AP2M1: variants seen among roughly 807,000 people sequenced by gnomAD.
AP2M1 encodes AP-2 complex subunit mu.
A neutral mutation model predicts 54.5 loss-of-function variants in AP2M1; 5 were observed. The ratio of observed to expected loss-of-function variants is 0.09; its 90% confidence interval spans 0.05 to 0.19. The LOEUF is 0.19. Among genes scored for constraint, AP2M1 ranks in the 10% least tolerant of loss-of-function variants. AP2M1 has a pLI of 1.00. For synonymous variants in AP2M1, 186 were observed against 208.2 expected, an observed-to-expected ratio of 0.89 and a Z score of 0.92; for missense variants, 178 against 580.2, an observed-to-expected ratio of 0.31 and a Z score of 7.12.
Position 184,181,450 on chromosome 3 carries a change from C to A in AP2M1, c.707+224C>A. ...TTGGTCCCTAGGACCAAGGCCTTTT[C>A]TGTACATACTGACAGCCTCTGCCCA... is the stretch of plus-strand genomic sequence containing the variant. On this transcript the variant is annotated intron_variant, in intron 7 of 11. Transcript: ENST00000292807. The surrounding 1 kb of genome is among the most constrained non-coding windows in gnomAD (Gnocchi z 5.7). 2.5e-6 allele frequency: 2 copies of A among 813,620 alleles called. No homozygotes were observed. The highest frequency in any genetic ancestry group is 3.8e-6 in the Non-Finnish European group (2 of 530,658). The allele number at this position is 813,620 out of a possible 1,614,324, so 50.4% of individuals were successfully genotyped here. A position where few individuals can be genotyped will look rare whatever the true frequency, so the allele number is the denominator to read the frequency against.
At position 184,180,064 on chromosome 3, in the gene AP2M1, T is replaced by A; in HGVS notation, c.341-105T>A. 1 of 990,272 alleles carries A rather than the reference T, an allele frequency of 1.0e-6. No homozygotes were observed. The highest frequency in any genetic ancestry group is 1.6e-6 in the Non-Finnish European group (1 of 642,464). 61.3% of individuals were successfully genotyped at this position (990,272 alleles called of 1,614,324 possible). A position where few individuals can be genotyped will look rare whatever the true frequency, so the allele number is the denominator to read the frequency against. On this transcript the variant is annotated intron_variant, in intron 3 of 11. Coordinates refer to ENST00000292807, the MANE Select transcript of AP2M1 (RefSeq NM_004068.4). The surrounding 1 kb of genome is among the most constrained non-coding windows in gnomAD (Gnocchi z 4.9). ...AGCTAGAAGACTTTCTTGCGGATGA[T>A]CCCACATGGGCTTTGGGAGCTGTGC...
intron 1 of AP2M1, 196 bp downstream of exon 1, chr3:184,175,155 G>A: frequency 2.5e-6 from 1 of 394,906 alleles, no homozygotes; most frequent in African/African-American, 2.1e-5. Flanking sequence ...CTGGCGGGGA[G>A]CGGTGCCCTC....
At chr3:184,177,634 G>A in intron 2 of AP2M1, 3 of 1,533,286 alleles carry the variant, frequency 2.0e-6, no homozygotes, top group Non-Finnish European at 1.7e-6. Context: ...CTGGGTCACT[G>A]TGGGAGGGCA....
rs2231218 is a variant in AP2M1 at position 184,180,057 on chromosome 3, C to T, written c.341-112C>T. ...GCTACAAAGCTAGAAGACTTTCTTGCGGATGATCCCACATGGGCTTTGGGA... is the reference window on the plus strand; with the variant it reads ...GCTACAAAGCTAGAAGACTTTCTTGTGGATGATCCCACATGGGCTTTGGGA... On this transcript the variant is annotated intron_variant, in intron 3 of 11. Coordinates refer to ENST00000292807, the MANE Select transcript of AP2M1 (RefSeq NM_004068.4). The surrounding 1 kb of genome is among the most constrained non-coding windows in gnomAD (Gnocchi z 4.9). 7,240 of 890,796 alleles carry T rather than the reference C, an allele frequency of 8.1e-3. 360 individuals carry two copies. The African/African-American group carries it at 0.11, about 14-fold the overall frequency. 55.2% of individuals were successfully genotyped at this position (890,796 alleles called of 1,614,324 possible).
In AP2M1 at chr3:184,177,041, C is replaced by T. The variant is rs1329096115; in HGVS notation, c.48C>T (p.Ile16=). The T allele has an allele frequency of 4.3e-6, 7 of 1,613,744 alleles. No homozygotes were observed. In the African/African-American group the frequency reaches 8.0e-5, roughly 18 times the overall value. ...ATAATCACAAGGGGGAGGTGCTCAT[C>T]TCCCGAGTCTACCGAGATGACATCG... is the stretch of plus-strand genomic sequence containing the variant. The part of the protein sequence containing the change: ...FIYNHKGEVL[I]SRVYRDDIGR... The change falls in exon 2 of 12, where the codon ATC becomes ATT. Residue 16 remains isoleucine, a synonymous_variant. Coordinates refer to ENST00000292807, the MANE Select transcript of AP2M1 (RefSeq NM_004068.4).
In AP2M1 at chr3:184,181,098, T is replaced by C. The variant is rs1167386017; in HGVS notation, c.579T>C (p.Ser193=). The C allele has an allele frequency of 2.5e-6, 4 of 1,614,052 alleles. No individual in the cohort carries two copies. In the African/African-American group the frequency reaches 4.0e-5, roughly 16 times the overall value. The part of the protein sequence containing the change: ...LLMSPQGQVL[S]AHVSGRVVMK... The stretch of plus-strand genomic sequence containing the variant: ...TTCCATCACCAGGGCAGGTGCTGAG[T>C]GCCCATGTGTCGGGCCGGGTGGTGA... The change falls in exon 7 of 12, where the codon AGT becomes AGC. Residue 193 remains serine, a synonymous_variant. Transcript: ENST00000292807. This position sits in a 1 kb window ranked among gnomAD's most constrained non-coding sequence, Gnocchi z 5.7.
At chr3:184,179,353 A>G in intron 3 of AP2M1, 2 of 555,142 alleles carry the variant, frequency 3.6e-6, no homozygotes, top group Non-Finnish European at 6.3e-6. Flanking sequence ...TGATCTTCCA[A>G]GGGGCTAGGA....
chr3:184,177,036 C>T lies in AP2M1; in HGVS notation c.43C>T (p.Leu15Phe). ...CATCTATAATCACAAGGGGGAGGTG[C>T]TCATCTCCCGAGTCTACCGAGATGA... ...LFIYNHKGEV[L>F]ISRVYRDDIG... The change falls in exon 2 of 12, where the codon CTC (leucine) becomes TTC (phenylalanine). Residue 15 changes from leucine to phenylalanine, a missense_variant. Leu to Phe is a conservative substitution (Grantham distance 22). Coordinates refer to ENST00000292807, the MANE Select transcript of AP2M1 (RefSeq NM_004068.4). 6.2e-7 allele frequency: 1 copy of T among 1,613,904 alleles called. No individual in the cohort carries two copies. Among genetic ancestry groups the T allele is most frequent in the Non-Finnish European group, 8.5e-7 (1 of 1,179,940 alleles).
chr3:184,183,449 A>G lies in AP2M1; in HGVS notation c.1174-33A>G. ...CCAGAGGAGAGCGGCTGTAAGAGGA[A>G]GGCCACATTTCTAACTAGCTCTCCT... is the stretch of plus-strand genomic sequence containing the variant. On this transcript the variant is annotated intron_variant, in intron 11 of 11. Transcript: ENST00000292807. This position sits in a 1 kb window ranked among gnomAD's most constrained non-coding sequence, Gnocchi z 5.7. 2 of 1,613,284 alleles carry G rather than the reference A, an allele frequency of 1.2e-6. No individual in the cohort carries two copies. Among genetic ancestry groups the G allele is most frequent in the Non-Finnish European group, 8.5e-7 (1 of 1,179,664 alleles).
rs1560125142 is a variant in AP2M1 at position 184,176,946 on chromosome 3, C to T, written c.-43-5C>T. The T allele has an allele frequency of 6.2e-7, 1 of 1,600,706 alleles. No homozygotes were observed. Among genetic ancestry groups the T allele is most frequent in the Non-Finnish European group, 8.5e-7 (1 of 1,171,076 alleles). On this transcript the variant is annotated splice_region_variant and splice_polypyrimidine_tract_variant and intron_variant, in intron 1 of 11. Coordinates refer to ENST00000292807, the MANE Select transcript of AP2M1 (RefSeq NM_004068.4). ...CTTCTTTTACCCTGCCCCCGCCTGT[C>T]CTAGGTCTGTTCTCAGAGCGATGGG...
chr3:184,180,128 G>A lies in AP2M1; in HGVS notation c.341-41G>A. On this transcript the variant is annotated intron_variant, in intron 3 of 11. Transcript: ENST00000292807. The surrounding 1 kb of genome is among the most constrained non-coding windows in gnomAD (Gnocchi z 4.9). ...AGGCCCAAGTAGGGGCTGGAATGAA[G>A]AAGCTCTGTCCAGGGGCTGATGGTT... 2 of 1,601,464 alleles carry A rather than the reference G, an allele frequency of 1.2e-6. No homozygotes were observed. Among genetic ancestry groups the A allele is most frequent in the Non-Finnish European group, 1.7e-6 (2 of 1,169,012 alleles).
Position 184,181,383 on chromosome 3 carries a change from C to T in AP2M1, c.707+157C>T, listed in dbSNP as rs1197822881. 2.1e-5 allele frequency: 24 copies of T among 1,168,204 alleles called. No homozygotes were observed. The highest frequency in any genetic ancestry group is 6.2e-5 in the African/African-American group (4 of 64,750). 72.4% of individuals were successfully genotyped at this position (1,168,204 alleles called of 1,614,324 possible). ...CTGTTCGCTCTTGACATTAGTGCTA[C>T]GAGAGATGAGGGGATCGTCCTCAGA... On this transcript the variant is annotated intron_variant, in intron 7 of 11. Coordinates refer to ENST00000292807, the MANE Select transcript of AP2M1 (RefSeq NM_004068.4). The surrounding 1 kb of genome is among the most constrained non-coding windows in gnomAD (Gnocchi z 5.7).
At position 184,181,942 on chromosome 3, in the gene AP2M1, C is replaced by T. The variant is rs867287194; in HGVS notation, c.858C>T (p.Pro286=). 1.2e-6 allele frequency: 2 copies of T among 1,614,188 alleles called. No individual in the cohort carries two copies. The highest frequency in any genetic ancestry group is 8.5e-7 in the Non-Finnish European group (1 of 1,180,024). The change falls in exon 9 of 12, where the codon CCC becomes CCT. Residue 286 remains proline (P), a synonymous_variant. Transcript: ENST00000292807. This position sits in a 1 kb window ranked among gnomAD's most constrained non-coding sequence, Gnocchi z 5.7. ...RYRTTKDIIL[P]FRVIPLVREV... ...GCACAACCAAGGACATCATCCTTCC[C>T]TTCCGGGTGATCCCGCTAGTGCGAG...
At position 184,181,281 on chromosome 3, in the gene AP2M1, G is replaced by T. The variant is rs1715265291; in HGVS notation, c.707+55G>T. 6.2e-7 allele frequency: 1 copy of T among 1,603,478 alleles called. No individual in the cohort carries two copies. On this transcript the variant is annotated intron_variant, in intron 7 of 11. Coordinates refer to ENST00000292807, the MANE Select transcript of AP2M1 (RefSeq NM_004068.4). This position sits in a 1 kb window ranked among gnomAD's most constrained non-coding sequence, Gnocchi z 5.7. ...GGGTGTCCCTTGGAGGGCTCAGTGG[G>T]GTCTAGTGAACCACAAGTTTCTTCT...
At position 184,183,146 on chromosome 3, in the gene AP2M1, C is replaced by G. The variant is rs1416849694; in HGVS notation, c.1173+278C>G. Reference sequence around the variant, plus strand: ...CCAGGTAAGACACAAAGTTTACTTACAGACAGGATAATGGGCTGACTTTGC... The same window carrying G: ...CCAGGTAAGACACAAAGTTTACTTAGAGACAGGATAATGGGCTGACTTTGC... On this transcript the variant is annotated intron_variant, in intron 11 of 11. Coordinates refer to ENST00000292807, the MANE Select transcript of AP2M1 (RefSeq NM_004068.4). The surrounding 1 kb of genome is among the most constrained non-coding windows in gnomAD (Gnocchi z 5.7). 3 of 559,656 alleles carry G rather than the reference C, an allele frequency of 5.4e-6. No individual in the cohort carries two copies. Among genetic ancestry groups the G allele is most frequent in the Non-Finnish European group, 9.6e-6 (3 of 312,502 alleles). 34.7% of individuals were successfully genotyped at this position (559,656 alleles called of 1,614,324 possible).
At position 184,179,222 on chromosome 3, in the gene AP2M1, C is replaced by T. The variant is rs1422857362; in HGVS notation, c.340+100C>T. On this transcript the variant is annotated intron_variant, in intron 3 of 11. Coordinates refer to ENST00000292807, the MANE Select transcript of AP2M1 (RefSeq NM_004068.4). ...TGTAGGTCCGAGGCTCTGGTACACT[C>T]TGAACTTTCTTTCCTGAGTATTTGG... 3.6e-5 allele frequency: 52 copies of T among 1,429,412 alleles called. No individual in the cohort carries two copies. In the Admixed American group the frequency reaches 1.0e-3, roughly 27 times the overall value. The allele number at this position is 1,429,412 out of a possible 1,614,324, so 88.5% of individuals were successfully genotyped here.
At position 184,181,068 on chromosome 3, in the gene AP2M1, A is replaced by G. The variant is rs1255752456; in HGVS notation, c.566-17A>G. 6.2e-7 allele frequency: 1 copy of G among 1,614,060 alleles called. No individual in the cohort carries two copies. The highest frequency in any genetic ancestry group is 1.1e-5 in the South Asian group (1 of 91,038). ...TGCCTGACTCCGCTGCTCCCCATTT[A>G]TCTGTTCCATCACCAGGGCAGGTGC... is the stretch of plus-strand genomic sequence containing the variant. On this transcript the variant is annotated splice_polypyrimidine_tract_variant and intron_variant, in intron 6 of 11. Transcript: ENST00000292807. The surrounding 1 kb of genome is among the most constrained non-coding windows in gnomAD (Gnocchi z 5.7).
At position 184,183,683 on chromosome 3, in the gene AP2M1, C is replaced by T. The variant is rs1208537611; in HGVS notation, c.*67C>T. The T allele has an allele frequency of 1.9e-6, 3 of 1,542,464 alleles. No homozygotes were observed. The African/African-American group carries it at 4.1e-5, about 21-fold the overall frequency. ...CCACAGGTCCAGGTGCCGCTCCCTCCCCCACCACACATCAGTGTCTCCTCC... is the reference window on the plus strand; with the variant it reads ...CCACAGGTCCAGGTGCCGCTCCCTCTCCCACCACACATCAGTGTCTCCTCC... On this transcript the variant is annotated 3_prime_UTR_variant, in exon 12 of 12. Coordinates refer to ENST00000292807, the MANE Select transcript of AP2M1 (RefSeq NM_004068.4). The surrounding 1 kb of genome is among the most constrained non-coding windows in gnomAD (Gnocchi z 5.7).
chr3:184,176,939 C>T lies in AP2M1; in HGVS notation c.-43-12C>T. ...CTGAGGTCTTCTTTTACCCTGCCCC[C>T]GCCTGTCCTAGGTCTGTTCTCAGAG... On this transcript the variant is annotated splice_polypyrimidine_tract_variant and intron_variant, in intron 1 of 11. Transcript: ENST00000292807. 2.5e-6 allele frequency: 4 copies of T among 1,583,686 alleles called. No homozygotes were observed. The highest frequency in any genetic ancestry group is 3.4e-6 in the Non-Finnish European group (4 of 1,159,640).
Sources: allele counts gnomAD v4.1 joint callset, GRCh38; gene constraint gnomAD v4.1.1; non-coding constraint Gnocchi (gnomAD v3.1); transcripts MANE v1.5; gene names NCBI Gene and HGNC (gene_info 2026-07-23, HGNC 2026-07-21).